AFDN: variants seen among roughly 807,000 people sequenced by gnomAD.
AFDN encodes the protein afadin.
Under a neutral mutation model 216.6 loss-of-function variants are expected in AFDN, and 68 were observed. The ratio of observed to expected loss-of-function variants is 0.31; its 90% CI spans 0.26 to 0.38. AFDN has a LOEUF of 0.38. Ranked by LOEUF, AFDN falls within the 10% of genes least tolerant of loss-of-function variation. AFDN has a pLI of 1.00. For synonymous variants in AFDN, 868 were observed against 853.7 expected (o/e 1.02, Z -0.29); for missense variants, 2,136 against 2,342.0 (o/e 0.91, Z 1.82).
intron 13 of AFDN, among the ~76,000 whole-genome samples, chr6:167,908,330 C>T (rs1297423668): frequency 6.6e-6 from 1 of 152,056 alleles, no homozygotes; most frequent in African/African-American, 2.4e-5. Context: ...TGTGTAGACT[C>T]ATAAGGGAAT....
intron 6 of AFDN, among the ~76,000 whole-genome samples, chr6:167,884,482 T>G (rs188516374): frequency 1.5e-3 from 234 of 152,108 alleles, no homozygotes; most frequent in Non-Finnish European, 2.9e-3. Context: ...GGCTGCAGAG[T>G]GGGTGTTGCT....
At chr6:167,841,619 T>C (rs1471891257) in intron 1 of AFDN, among the ~76,000 whole-genome samples, 1 of 152,242 alleles carries the variant, frequency 6.6e-6, no homozygotes, top group Admixed American at 6.5e-5. Flanking sequence ...TAATTTCTAC[T>C]CTCTGGTCTT....
chr6:167,880,272 C>T, intron 5 of AFDN, 88 bp from the exon 6 acceptor site: 1 of 1,245,384 alleles, frequency 8.0e-7, no homozygotes, highest in Non-Finnish European at 1.1e-6. Flanking sequence ...AATGCAGGTA[C>T]CTTTTTCTCA....
At chr6:167,953,929 A>C (rs902829699) in intron 30 of AFDN, among the ~76,000 whole-genome samples, 6 of 152,238 alleles carry the variant, frequency 3.9e-5, no homozygotes, top group African/African-American at 1.4e-4. Context: ...AAATGAGTCA[A>C]CAGTATCAGC....
At chr6:167,880,306 T>A in intron 5 of AFDN, 54 bp from the exon 6 acceptor site, 3 of 1,540,674 alleles carry the variant, frequency 1.9e-6, no homozygotes, top group Admixed American at 1.8e-5. Flanking sequence ...GTTAGCTATC[T>A]CTGTTACTGG....
Position 167,902,280 on chromosome 6 carries a change from T to G in AFDN, c.1581-37T>G, listed in dbSNP as rs369274046. 9.4e-5 allele frequency: 138 copies of G among 1,464,240 alleles called. 2 individuals are homozygous for G. In the South Asian group the frequency reaches 1.0e-3, roughly 11 times the overall value. The allele number at this position is 1,464,240 out of a possible 1,614,324, so 90.7% of individuals were successfully genotyped here. On this transcript the variant is annotated intron_variant, in intron 11 of 33. Coordinates refer to ENST00000683244, the MANE Select transcript of AFDN (RefSeq NM_001386888.1). ...AGAGACTATGCCTGTCATTGGAATG[T>G]TATTAAGTCAGTGTGTTTCTTGTTT...
intron 11 of AFDN, among the ~76,000 whole-genome samples, chr6:167,901,326 G>A (rs1788916502): frequency 6.6e-6 from 1 of 152,064 alleles, no homozygotes; most frequent in Non-Finnish European, 1.5e-5. Flanking sequence ...GGTGGGGAGG[G>A]CACTCTCCAA....
chr6:167,911,174 C>T lies in AFDN; in HGVS notation c.1831+12C>T. The stretch of plus-strand genomic sequence containing the variant: ...ATTCAGGGAAAGTTGTGAGTAATTT[C>T]AGATTTCATTGTCAATGAATTATTT... On this transcript the variant is annotated intron_variant, in intron 14 of 33. Transcript: ENST00000683244. 1 of 1,612,506 alleles carries T rather than the reference C, an allele frequency of 6.2e-7. No individual in the cohort carries two copies. Among genetic ancestry groups the T allele is most frequent in the Non-Finnish European group, 8.5e-7 (1 of 1,178,678 alleles).
intron 23 of AFDN, among the ~76,000 whole-genome samples, chr6:167,938,035 G>C (rs1347028765): frequency 4.6e-5 from 7 of 152,192 alleles, no homozygotes; most frequent in Non-Finnish European, 1.0e-4. Context: ...GCCATTTGCA[G>C]AGGTAGCTGT....
chr6:167,927,405 T>C (rs1007867425), intron 23 of AFDN, among the ~76,000 whole-genome samples: 3 of 152,192 alleles, frequency 2.0e-5, no homozygotes, highest in Non-Finnish European at 4.4e-5. Flanking sequence ...CAGTGCTTAA[T>C]TAGTTTTAAA....
intron 1 of AFDN, among the ~76,000 whole-genome samples, chr6:167,847,227 G>C (rs1018478332): frequency 6.6e-6 from 1 of 151,990 alleles, no homozygotes; most frequent in Non-Finnish European, 1.5e-5. Context: ...CTGTTGCCCA[G>C]ACCTCAGGGT....
In AFDN at chr6:167,891,004, G is replaced by A. The variant is rs1583298345; in HGVS notation, c.1152G>A (p.Leu384=). The A allele has an allele frequency of 6.2e-7, 1 of 1,613,658 alleles. No homozygotes were observed. Among genetic ancestry groups the A allele is most frequent in the African/African-American group, 1.3e-5 (1 of 75,016 alleles). ...GCTCCACCCTTCCTCCGGAGAAGCT[G>A]CCCTATTTAGTAGAGTTAAGCCCAG... ...GYGSTLPPEK[L]PYLVELSPGR... Residue 384 remains leucine (L), a synonymous_variant, in exon 8 of 34, where the codon CTG becomes CTA. Transcript: ENST00000683244.
chr6:167,924,137 T>A (rs1792190717), intron 22 of AFDN, among the ~76,000 whole-genome samples: 1 of 152,200 alleles, frequency 6.6e-6, no homozygotes, highest in South Asian at 2.1e-4. Flanking sequence ...TAATTTTATT[T>A]TCCTTAAAAT....
intron 30 of AFDN, among the ~76,000 whole-genome samples, chr6:167,960,982 C>T (rs1394704127): frequency 6.6e-6 from 1 of 151,842 alleles, no homozygotes; most frequent in East Asian, 1.9e-4. Context: ...ATGAAAAAGC[C>T]TAGTAACACA....
At position 167,911,269 on chromosome 6, in the gene AFDN, G is replaced by A; in HGVS notation, c.1832-15G>A. On this transcript the variant is annotated splice_polypyrimidine_tract_variant and intron_variant, in intron 14 of 33. Coordinates refer to ENST00000683244, the MANE Select transcript of AFDN (RefSeq NM_001386888.1). ...CTTTTTTCCTTTTTTCTTTGTTTTT[G>A]AAATCTTTCCACAGCTGAAGATTCA... 2 of 1,606,390 alleles carry A rather than the reference G, an allele frequency of 1.2e-6. No individual in the cohort carries two copies. Among genetic ancestry groups the A allele is most frequent in the African/African-American group, 1.3e-5 (1 of 74,328 alleles).
chr6:167,886,454 C>G (rs185143768), intron 6 of AFDN, among the ~76,000 whole-genome samples: 1 of 152,250 alleles, frequency 6.6e-6, no homozygotes, highest in African/African-American at 2.4e-5. Flanking sequence ...ATTGTACATT[C>G]TCTCTGAAGG....
intron 1 of AFDN, among the ~76,000 whole-genome samples, chr6:167,849,332 C>T (rs1782045087): frequency 6.6e-6 from 1 of 152,006 alleles, no homozygotes; most frequent in Non-Finnish European, 1.5e-5. Context: ...GAGAGATTTC[C>T]AGCAACATGT....
At chr6:167,892,369 T>C (rs187023972) in intron 8 of AFDN, among the ~76,000 whole-genome samples, 137 of 152,332 alleles carry the variant, frequency 9.0e-4, no homozygotes, top group Admixed American at 8.9e-3. Context: ...TCTGAGGTAA[T>C]GAATGGCAAC....
chr6:167,836,545 G>T (rs1780458958), intron 1 of AFDN, among the ~76,000 whole-genome samples: 1 of 152,008 alleles, frequency 6.6e-6, no homozygotes, highest in African/African-American at 2.4e-5. Flanking sequence ...AAAAAAATAC[G>T]TGTAGTAAAA....
Sources: allele counts gnomAD v4.1 joint callset (sites outside exome capture counted in the v4.1 genomes callset), GRCh38; gene constraint gnomAD v4.1.1; transcripts MANE v1.5; gene names NCBI Gene and HGNC (gene_info 2026-07-23, HGNC 2026-07-21).